Variants in GALNT17 observed in about 807,000 individuals in gnomAD.
GALNT17 encodes UDP-GalNAc:polypeptide N-acetylgalactosaminyltransferase-like 3.
GALNT17 carries 29 observed loss-of-function variants against 63.7 expected under a neutral mutation model. The observed-to-expected ratio is 0.46, with a 90% CI of 0.34 to 0.62. The LOEUF (loss-of-function observed/expected upper bound fraction) is 0.62. Ranked by LOEUF, GALNT17 falls within the 20% of genes least tolerant of loss-of-function variation. The probability of loss-of-function intolerance (pLI) is 0.01; values close to 1 mark genes in which losing one functional copy is unlikely to be tolerated. For synonymous variants in GALNT17, 305 were observed against 318.3 expected, an observed-to-expected ratio of 0.96 and a Z score of 0.45; for missense variants, 603 against 799.6, an observed-to-expected ratio of 0.75 and a Z score of 2.97.
chr7:71,653,688 T>G (rs938391039), intron 6 of GALNT17, among the ~76,000 whole-genome samples: 1 of 152,294 alleles, frequency 6.6e-6, no homozygotes, highest in South Asian at 2.1e-4. Context: ...ATTACAGACA[T>G]GAGCCACCAC....
chr7:71,504,317 C>T (rs1788230237), intron 5 of GALNT17, among the ~76,000 whole-genome samples: 1 of 151,766 alleles, frequency 6.6e-6, no homozygotes, highest in African/African-American at 2.4e-5. Context: ...ATTGCTTGAA[C>T]CTGGGTTGCG....
At chr7:71,390,332 G>C (rs1306397581) in intron 3 of GALNT17, among the ~76,000 whole-genome samples, 1 of 152,070 alleles carries the variant, frequency 6.6e-6, no homozygotes, top group Non-Finnish European at 1.5e-5. Flanking sequence ...GATATCCCTG[G>C]CCCCTTCTGA....
At chr7:71,704,729 A>G (rs571339580) in intron 9 of GALNT17, among the ~76,000 whole-genome samples, 5 of 152,202 alleles carry the variant, frequency 3.3e-5, no homozygotes, top group African/African-American at 1.2e-4. Flanking sequence ...TTTATAGTCC[A>G]TTGATTTTTG....
chr7:71,620,348 GT>G (rs1790272664), intron 6 of GALNT17, among the ~76,000 whole-genome samples: 1 of 152,080 alleles, frequency 6.6e-6, no homozygotes, highest in Admixed American at 6.6e-5. Context: ...TTTTGGAATA[GT>G]TTCAGTAGGC....
chr7:71,620,785 T>A (rs922739592), intron 6 of GALNT17, among the ~76,000 whole-genome samples: 1 of 152,246 alleles, frequency 6.6e-6, no homozygotes, highest in Admixed American at 6.5e-5. Flanking sequence ...CATAAAGCCT[T>A]GTCAGTGTCA....
intron 6 of GALNT17, among the ~76,000 whole-genome samples, chr7:71,594,642 T>A (rs1284342682): frequency 6.6e-6 from 1 of 152,082 alleles, no homozygotes; most frequent in Non-Finnish European, 1.5e-5. Flanking sequence ...TAGGAAGAGA[T>A]CTATGCTCAG....
At chr7:71,354,541 T>G (rs1441455740) in intron 2 of GALNT17, among the ~76,000 whole-genome samples, 1 of 152,210 alleles carries the variant, frequency 6.6e-6, no homozygotes, top group African/African-American at 2.4e-5. Flanking sequence ...AGTGGATTTC[T>G]TAATGTTAAA....
At chr7:71,293,459 T>A (rs116511214) in intron 1 of GALNT17, among the ~76,000 whole-genome samples, 2,592 of 152,318 alleles carry the variant, frequency 0.017, 24 homozygotes, top group Middle Eastern at 0.034. Context: ...GGTGACATTG[T>A]GCATTTTTTT....
At chr7:71,502,786 A>G (rs542960300) in intron 5 of GALNT17, among the ~76,000 whole-genome samples, 101 of 152,248 alleles carry the variant, frequency 6.6e-4, no homozygotes, top group African/African-American at 2.3e-3. Flanking sequence ...TTGACCCCCA[A>G]TTGTAGATTT....
At chr7:71,408,410 A>G (rs1050606397) in intron 3 of GALNT17, among the ~76,000 whole-genome samples, 2 of 152,072 alleles carry the variant, frequency 1.3e-5, no homozygotes, top group African/African-American at 4.8e-5. Flanking sequence ...TGGCAATGGG[A>G]GTTGATGGTG....
At chr7:71,595,717 T>TA (rs1462151667) in intron 6 of GALNT17, among the ~76,000 whole-genome samples, 6 of 150,940 alleles carry the variant, frequency 4.0e-5, no homozygotes, top group Non-Finnish European at 5.9e-5. Flanking sequence ...TATTGCCTGT[T>TA]ATGATCTAAC....
chr7:71,661,422 TGCCTCTCTAAGGGGAGGG>T (rs1790905647), intron 6 of GALNT17, among the ~76,000 whole-genome samples: 1 of 152,130 alleles, frequency 6.6e-6, no homozygotes, highest in South Asian at 2.1e-4. Flanking sequence ...CAGGTATACT[TGCCTCTCTAAGGGGAGGG>T]GCCTGTGAAA....
intron 1 of GALNT17, among the ~76,000 whole-genome samples, chr7:71,205,152 C>CTTTTTTTT (rs759200277): frequency 1.2e-4 from 14 of 115,006 alleles, no homozygotes; most frequent in East Asian, 2.6e-4. Context: ...TTACTTTTTA[C>CTTTTTTTT]TTTTTTTTTT....
chr7:71,227,320 C>T (rs59536213), intron 1 of GALNT17, among the ~76,000 whole-genome samples: 7,485 of 150,582 alleles, frequency 0.05, 598 homozygotes, highest in African/African-American at 0.17. Context: ...GCCATGATTG[C>T]GCAATTGTAC....
chr7:71,168,705 A>ATGTGTGTGTGTGTGTG (rs10536926), intron 1 of GALNT17, among the ~76,000 whole-genome samples: 17 of 149,048 alleles, frequency 1.1e-4, no homozygotes, highest in African/African-American at 2.5e-4. Flanking sequence ...AGTTACGTGT[A>ATGTGTGTGTGTGTGTG]TGTGTGTGTG....
In GALNT17 at chr7:71,519,918, C is replaced by T. The variant is rs116784098; in HGVS notation, c.963-51367C>T. On this transcript the variant is annotated intron_variant, in intron 5 of 10. Coordinates refer to ENST00000333538, the MANE Select transcript of GALNT17 (RefSeq NM_022479.3). ...GAAGTTAATTCAGGATATATGAAAA[C>T]GTCTCCAATAAAATAATAAGAGAGA... Among the ~76,000 whole-genome samples the T allele has an allele frequency of 3.5e-3, 529 of 152,158 alleles. 3 individuals are homozygous for T. The highest frequency in any genetic ancestry group is 0.012 in the African/African-American group (491 of 41,502).
intron 1 of GALNT17, among the ~76,000 whole-genome samples, chr7:71,204,736 G>GT (rs1005702233): frequency 2.6e-4 from 39 of 150,336 alleles, no homozygotes; most frequent in Non-Finnish European, 4.1e-4. Context: ...TGCCTACTTT[G>GT]TTTTTTTTGT....
intron 9 of GALNT17, among the ~76,000 whole-genome samples, chr7:71,682,898 T>C (rs1489251411): frequency 2.0e-5 from 3 of 151,978 alleles, no homozygotes; most frequent in Non-Finnish European, 2.9e-5. Flanking sequence ...GGGCTTTCAC[T>C]CTGAAGGTGA....
intron 1 of GALNT17, among the ~76,000 whole-genome samples, chr7:71,228,063 T>C (rs1039172584): frequency 3.9e-5 from 6 of 152,144 alleles, no homozygotes; most frequent in African/African-American, 7.2e-5. Flanking sequence ...CCAGGGCTCA[T>C]CTTCAGGATA....
Sources: allele counts gnomAD v4.1 joint callset (sites outside exome capture counted in the v4.1 genomes callset), GRCh38; gene constraint gnomAD v4.1.1; transcripts MANE v1.5; gene names NCBI Gene and HGNC (gene_info 2026-07-23, HGNC 2026-07-21).